The following ABCD3 variants were observed in gnomAD, a reference collection of about 807,000 sequenced individuals.
ABCD3 encodes the protein ATP-binding cassette sub-family D member 3.
ABCD3 carries 41 observed loss-of-function variants against 105.5 expected under a neutral mutation model. The ratio of observed to expected loss-of-function variants is 0.39; its 90% confidence interval spans 0.30 to 0.50. The LOEUF (loss-of-function observed/expected upper bound fraction) is 0.50, where lower values mean the gene tolerates loss of function less well. Ranked by LOEUF, ABCD3 falls within the 20% of genes least tolerant of loss-of-function variation. The pLI is 0.84. For synonymous variants in ABCD3, 258 were observed against 269.0 expected (o/e 0.96, Z 0.40); for missense variants, 622 against 806.3 (o/e 0.77, Z 2.77).
intron 1 of ABCD3, among the ~76,000 whole-genome samples, chr1:94,431,909 C>T (rs1388403755): frequency 2.0e-5 from 3 of 152,050 alleles, no homozygotes; most frequent in South Asian, 2.1e-4. Context: ...ATCAACAGTG[C>T]CCAAGATATA....
intron 16 of ABCD3, among the ~76,000 whole-genome samples, chr1:94,494,089 TATA>T (rs1049711919): frequency 5.9e-5 from 9 of 151,982 alleles, no homozygotes; most frequent in South Asian, 2.1e-4. Context: ...AAACTTAAAG[TATA>T]ATAATAATAA....
upstream of ABCD3, among the ~76,000 whole-genome samples, chr1:94,415,731 T>A (rs541021390): frequency 3.6e-4 from 55 of 152,352 alleles, no homozygotes; most frequent in Non-Finnish European, 1.6e-4. Context: ...AATCTGCTTC[T>A]CAGCCCAGGT....
chr1:94,500,681 T>C (rs1484770997), intron 20 of ABCD3, among the ~76,000 whole-genome samples: 2 of 152,176 alleles, frequency 1.3e-5, no homozygotes, highest in Non-Finnish European at 2.9e-5. Context: ...CAGGTTATAT[T>C]CCACCTTTTT....
chr1:94,443,004 A>G lies in ABCD3; in HGVS notation c.111-15603A>G, dbSNP rs150546187. ...CCCAATAGGGGGATTGCTGGATGGAATGGTAGTTCTGTTTTTAGTTCTTTG... is the reference window on the plus strand; with the variant it reads ...CCCAATAGGGGGATTGCTGGATGGAGTGGTAGTTCTGTTTTTAGTTCTTTG... On this transcript the variant is annotated intron_variant, in intron 1 of 22. Transcript: ENST00000370214. Among the ~76,000 whole-genome samples the G allele has an allele frequency of 3.9e-5, 6 of 152,248 alleles. No homozygotes were observed. The East Asian group carries it at 1.2e-3, about 29-fold the overall frequency.
At chr1:94,414,889 T>A (rs1247911030), upstream of ABCD3, among the ~76,000 whole-genome samples, 1 of 152,232 alleles carries the variant, frequency 6.6e-6, no homozygotes, top group East Asian at 1.9e-4. Context: ...CCACAGTTTC[T>A]ACGAGTCAGG....
At chr1:94,402,361 CAT>C in the ABCD3 span, among the ~76,000 whole-genome samples, 2 of 152,194 alleles carry the variant, frequency 1.3e-5, no homozygotes, top group Admixed American at 1.3e-4. Flanking sequence ...CACAAACACT[CAT>C]GTGCCCTTTA....
rs375923688 is a variant in ABCD3, at chr1:94,461,000, A to G, written c.147+2357A>G. 2.6e-5 allele frequency among the ~76,000 whole-genome samples: 4 copies of G among 152,204 alleles called. No individual in the cohort carries two copies. In the East Asian group the frequency reaches 7.7e-4, roughly 29 times the overall value. ...TTATTTTTCTGTACAATATTTTAGC[A>G]TATACTTATTTGCTGGTTGCATAGT... On this transcript the variant is annotated intron_variant, in intron 2 of 22. Transcript: ENST00000370214.
At chr1:94,454,249 A>G (rs1459590693) in intron 1 of ABCD3, among the ~76,000 whole-genome samples, 2 of 152,210 alleles carry the variant, frequency 1.3e-5, no homozygotes, top group Non-Finnish European at 2.9e-5. Context: ...TGGAAAGAGC[A>G]TAGAGAGAGA....
At chr1:94,418,229 G>A (rs941002303), upstream of ABCD3, among the ~76,000 whole-genome samples, 3 of 152,206 alleles carry the variant, frequency 2.0e-5, no homozygotes, top group African/African-American at 4.8e-5. Flanking sequence ...GAAGGAGTCC[G>A]CGCGTGCGCA....
At chr1:94,385,754 A>G in the ABCD3 span, among the ~76,000 whole-genome samples, 100,607 of 152,116 alleles carry the variant, frequency 0.66, 33,555 homozygotes, top group Middle Eastern at 0.82. Context: ...GAGAACTGTC[A>G]CCCTAACCCA....
At chr1:94,448,013 A>G (rs1273812782) in intron 1 of ABCD3, among the ~76,000 whole-genome samples, 2 of 152,200 alleles carry the variant, frequency 1.3e-5, no homozygotes, top group Admixed American at 6.5e-5. Context: ...AGCTAATCAA[A>G]AGCAAGTCCA....
At chr1:94,449,773 C>T (rs933090172) in intron 1 of ABCD3, among the ~76,000 whole-genome samples, 6 of 152,200 alleles carry the variant, frequency 3.9e-5, no homozygotes, top group Admixed American at 6.5e-5. Flanking sequence ...GTGCCACAGC[C>T]ACACTTATGT....
chr1:94,414,030 T>G (rs1168379494), upstream of ABCD3, among the ~76,000 whole-genome samples: 1 of 152,054 alleles, frequency 6.6e-6, no homozygotes, highest in Non-Finnish European at 1.5e-5. Context: ...AATAGGATAT[T>G]CAAGGGAAGA....
chr1:94,425,666 C>G (rs978282446), intron 1 of ABCD3, among the ~76,000 whole-genome samples: 2 of 152,166 alleles, frequency 1.3e-5, no homozygotes, highest in African/African-American at 4.8e-5. Flanking sequence ...ATTTGCAGTA[C>G]TATGAATGAA....
intron 1 of ABCD3, among the ~76,000 whole-genome samples, chr1:94,444,871 G>A (rs554871240): frequency 2.0e-5 from 3 of 152,320 alleles, no homozygotes; most frequent in African/African-American, 7.2e-5. Flanking sequence ...ACTGTGAGAT[G>A]TTTGCAATGG....
At chr1:94,499,116 G>T (rs983786237) in intron 19 of ABCD3, 82 bp downstream of exon 19, 2 of 1,282,346 alleles carry the variant, frequency 1.6e-6, no homozygotes, top group East Asian at 4.7e-5. Flanking sequence ...TAAATGCCAG[G>T]TAGTTTATCT....
At chr1:94,472,229 C>T (rs1335908208) in intron 4 of ABCD3, 7 of 980,246 alleles carry the variant, frequency 7.1e-6, no homozygotes, top group Non-Finnish European at 8.5e-6. Flanking sequence ...AAATTTATAG[C>T]TGCTACTCCA....
At position 94,456,255 on chromosome 1, in the gene ABCD3, ATTTTTTTTTTTTTTTTTTT is replaced by A. The variant is rs71094301; in HGVS notation, c.111-2334_111-2316del. ...CATCCATGTTGTTGCAAATGACAGA[ATTTTTTTTTTTTTTTTTTT>A]TTTTTTTTTTTTTTTTTGGAGACGG... On this transcript the variant is annotated intron_variant, in intron 1 of 22. Transcript: ENST00000370214. Among the ~76,000 whole-genome samples the A allele has an allele frequency of 1.3e-3, 57 of 44,960 alleles. 1 individual carries two copies. The highest frequency in any genetic ancestry group is 3.6e-3 in the African/African-American group (40 of 11,254). 29.5% of individuals were successfully genotyped at this position (44,960 alleles called of 152,430 possible).
rs528326554 is a variant in ABCD3, at chr1:94,458,794, T to C, written c.147+151T>C. The stretch of plus-strand genomic sequence containing the variant: ...CACATTACAGGAATACTCTCTGAAA[T>C]AGGACTCCTGACAGGAAAGTGTTAC... On this transcript the variant is annotated intron_variant, in intron 2 of 22. Coordinates refer to ENST00000370214, the MANE Select transcript of ABCD3 (RefSeq NM_002858.4). 1.5e-4 allele frequency: 117 copies of C among 768,170 alleles called. 3 individuals are homozygous for C. In the South Asian group the frequency reaches 2.1e-3, roughly 14 times the overall value. The allele number at this position is 768,170 out of a possible 1,614,324, so 47.6% of individuals were successfully genotyped here.
Sources: gnomAD v4.1 joint callset for allele counts (sites outside exome capture counted in the v4.1 genomes callset) on GRCh38, gnomAD v4.1.1 for gene constraint, MANE v1.5 for transcripts, NCBI Gene and HGNC (gene_info 2026-07-23, HGNC 2026-07-21) for gene names.